KPNB1: variants seen among roughly 807,000 people sequenced by gnomAD.
KPNB1 encodes karyopherin subunit beta 1, also known as importin subunit beta-1.
A neutral mutation model predicts 113.0 loss-of-function variants in KPNB1; 7 were observed. That is an observed-to-expected ratio of 0.06 (90% CI 0.04 to 0.12). KPNB1 has a LOEUF of 0.12. Among genes scored for constraint, KPNB1 ranks in the 10% least tolerant of loss-of-function variants. KPNB1 has a pLI of 1.00. For missense variants in KPNB1, 400 were observed against 1,054.8 expected (o/e 0.38, Z 8.60); for synonymous variants, 363 against 378.6 (o/e 0.96, Z 0.48).
At chr17:47,660,694 A>T (rs755860353) in intron 5 of KPNB1, among the ~76,000 whole-genome samples, 10 of 152,230 alleles carry the variant, frequency 6.6e-5, no homozygotes, top group Non-Finnish European at 1.3e-4. Context: ...ACCACATTTG[A>T]TGTGAATTTG....
intron 15 of KPNB1, among the ~76,000 whole-genome samples, chr17:47,675,373 T>TTTTTTTTTTTTGTTTG (rs1567894327): frequency 9.7e-6 from 1 of 102,626 alleles, no homozygotes; most frequent in Non-Finnish European, 1.9e-5. Flanking sequence ...TTTTTTTTTG[T>TTTTTTTTTTTTGTTTG]TTTTTTTTTT....
chr17:47,678,577 A>G (rs2030679588), intron 19 of KPNB1, 164 bp downstream of exon 19: 2 of 599,278 alleles, frequency 3.3e-6, no homozygotes, highest in Non-Finnish European at 6.0e-6. Flanking sequence ...CTTGGGGAAA[A>G]CTGTAGACTA....
At chr17:47,676,547 G>A (rs2030619079) in intron 16 of KPNB1, 56 bp downstream of exon 16, 2 of 1,338,102 alleles carry the variant, frequency 1.5e-6, no homozygotes, top group South Asian at 1.2e-5. Flanking sequence ...AGTCACTGTA[G>A]TGCACGCAAA....
Position 47,682,640 on chromosome 17 carries a change from G to A in KPNB1, c.*236G>A, listed in dbSNP as rs1287895979. On this transcript the variant is annotated 3_prime_UTR_variant, in exon 22 of 22. Transcript: ENST00000290158. Reference sequence around the variant, plus strand: ...TGACTTCGTAGAAAACCATAACATCGGCCATCTTGGAAAAGAGAAAAACAA... The same window carrying A: ...TGACTTCGTAGAAAACCATAACATCAGCCATCTTGGAAAAGAGAAAAACAA... 2 of 527,478 alleles carry A rather than the reference G, an allele frequency of 3.8e-6. No individual in the cohort carries two copies. Among genetic ancestry groups the A allele is most frequent in the East Asian group, 3.0e-5 (1 of 32,856 alleles). The allele number at this position is 527,478 out of a possible 1,614,324, so 32.7% of individuals were successfully genotyped here.
In KPNB1 at chr17:47,679,372, T is replaced by C. The variant is rs574604583; in HGVS notation, c.2354-648T>C. Among the ~76,000 whole-genome samples the C allele has an allele frequency of 3.9e-5, 6 of 152,248 alleles. No homozygotes were observed. In the South Asian group the frequency reaches 1.2e-3, roughly 32 times the overall value. On this transcript the variant is annotated intron_variant, in intron 19 of 21. Coordinates refer to ENST00000290158, the MANE Select transcript of KPNB1 (RefSeq NM_002265.6). ...CCCTTTCCCATCCCCACAAGCTAAATTGGAGGACTGGGGAGTCATAATTCC... is the reference window on the plus strand; with the variant it reads ...CCCTTTCCCATCCCCACAAGCTAAACTGGAGGACTGGGGAGTCATAATTCC...
chr17:47,672,994 A>C, intron 12 of KPNB1, 24 bp from the exon 13 acceptor site: 3 of 1,595,672 alleles, frequency 1.9e-6, no homozygotes, highest in Non-Finnish European at 1.7e-6. Context: ...TGAGGCTTTA[A>C]GATTTTCGCT....
intron 5 of KPNB1, among the ~76,000 whole-genome samples, chr17:47,660,039 C>T (rs547646787): frequency 3.3e-5 from 5 of 152,276 alleles, no homozygotes; most frequent in Non-Finnish European, 5.9e-5. Context: ...AGTAGATTCA[C>T]ATTGCTGTGG....
At position 47,655,638 on chromosome 17, in the gene KPNB1, C is replaced by G. The variant is rs80059314; in HGVS notation, c.283-1222C>G. ...TCCTTGGATCAGATTAGACAGTGAT[C>G]TACTGTGAATAAGACCCACCTGAAT... On this transcript the variant is annotated intron_variant, in intron 3 of 21. Transcript: ENST00000290158. Among the ~76,000 whole-genome samples, 389 of 152,304 alleles carry G rather than the reference C, an allele frequency of 2.6e-3. 1 individual carries two copies. The highest frequency in any genetic ancestry group is 9.1e-3 in the African/African-American group (378 of 41,558).
At chr17:47,664,593 C>A (rs1490606122) in intron 8 of KPNB1, among the ~76,000 whole-genome samples, 1 of 152,112 alleles carries the variant, frequency 6.6e-6, no homozygotes, top group Admixed American at 6.5e-5. Context: ...CTAATGCAAG[C>A]CTAGGATGTA....
intron 13 of KPNB1, 101 bp from the exon 14 acceptor site, chr17:47,673,389 G>A: frequency 1.9e-6 from 2 of 1,078,766 alleles, no homozygotes; most frequent in Admixed American, 3.8e-5. Flanking sequence ...TTTTGTTGCT[G>A]TTGTTTACTT....
rs772238174 is a variant in KPNB1, at chr17:47,680,020, C to A, written c.2354C>A (p.Pro785Gln). Residue 785 changes from proline (P) to glutamine (Q), a missense_variant and splice_region_variant, in exon 20 of 22, where the codon CCG becomes CAG. By Grantham distance (76) the Pro-to-Gln change is moderately conservative (BLOSUM62 -1). Coordinates refer to ENST00000290158, the MANE Select transcript of KPNB1 (RefSeq NM_002265.6). ...CCAATACCTTCTCTCTCTTTTATAGCGGATGTGATGCTGGTACAACCCAGA... is the reference window on the plus strand; with the variant it reads ...CCAATACCTTCTCTCTCTTTTATAGAGGATGTGATGCTGGTACAACCCAGA... Reference protein sequence around the residue: ...GLKGDQENVHPDVMLVQPRVE... With the variant: ...GLKGDQENVHQDVMLVQPRVE... 2 of 1,602,594 alleles carry A rather than the reference C, an allele frequency of 1.2e-6. No individual in the cohort carries two copies. The highest frequency in any genetic ancestry group is 2.2e-5 in the South Asian group (2 of 90,872).
Position 47,675,361 on chromosome 17 carries a change from G to GTTTT in KPNB1, c.1912+586_1912+589dup, listed in dbSNP as rs1166648701. 8.4e-3 allele frequency among the ~76,000 whole-genome samples: 742 copies of GTTTT among 88,554 alleles called. 136 individuals are homozygous for GTTTT. The highest frequency in any genetic ancestry group is 0.013 in the African/African-American group (274 of 21,528). The allele number at this position is 88,554 out of a possible 152,430, so 58.1% of individuals were successfully genotyped here. ...TGCAACGGAGATTGGCAGAGGTGTT[G>GTTTT]TTTTTTTTTTGTTTTTTTTTTTTGT... On this transcript the variant is annotated intron_variant, in intron 15 of 21. Transcript: ENST00000290158.
At chr17:47,659,742 T>C (rs1224804725) in intron 5 of KPNB1, among the ~76,000 whole-genome samples, 1 of 152,146 alleles carries the variant, frequency 6.6e-6, no homozygotes, top group Non-Finnish European at 1.5e-5. Context: ...GAAGGTGTTT[T>C]TAAGAAACAG....
In KPNB1 at chr17:47,649,984, A is replaced by G; in HGVS notation, c.-261A>G. 3.8e-6 allele frequency: 5 copies of G among 1,307,236 alleles called. No individual in the cohort carries two copies. The highest frequency in any genetic ancestry group is 2.2e-5 in the South Asian group (1 of 44,686). The allele number at this position is 1,307,236 out of a possible 1,614,324, so 81.0% of individuals were successfully genotyped here. On this transcript the variant is annotated 5_prime_UTR_variant, in exon 1 of 22. Transcript: ENST00000290158. ...TTCTTTCTCCCTCCGCCTCCCGAGCACCAGCGCGCTCTGAGCTGCCCCCAG... is the reference window on the plus strand; with the variant it reads ...TTCTTTCTCCCTCCGCCTCCCGAGCGCCAGCGCGCTCTGAGCTGCCCCCAG...
intron 5 of KPNB1, among the ~76,000 whole-genome samples, chr17:47,659,698 A>G (rs1424656808): frequency 1.3e-5 from 2 of 152,170 alleles, no homozygotes; most frequent in Non-Finnish European, 2.9e-5. Context: ...ATAAATAAAA[A>G]TTATAGCAAT....
chr17:47,659,894 T>C (rs577761563), intron 5 of KPNB1, among the ~76,000 whole-genome samples: 2 of 150,224 alleles, frequency 1.3e-5, no homozygotes, highest in East Asian at 3.9e-4. Context: ...CAAGACTCTG[T>C]CTCCAAAAAA....
Position 47,670,795 on chromosome 17 carries a change from G to T in KPNB1, c.1510G>T (p.Glu504Ter). The T allele has an allele frequency of 6.2e-7, 1 of 1,612,842 alleles. No individual in the cohort carries two copies. The highest frequency in any genetic ancestry group is 1.1e-5 in the South Asian group (1 of 91,042). ...PATYCLSSSF[E>*]LIVQKLLETT... is the part of the protein sequence containing the mutation. ...TACTTACTGCTTATCTTCTTCATTT[G>T]AACTCATAGTTCAGAAGCTCCTAGA... Residue 504 changes from glutamate to a stop codon, truncating the protein, a stop_gained, in exon 12 of 22, where the codon GAA (glutamate) becomes TAA (stop). Coordinates refer to ENST00000290158, the MANE Select transcript of KPNB1 (RefSeq NM_002265.6). LOFTEE classifies it high-confidence loss of function.
At chr17:47,653,627 A>G (rs1438839547) in intron 3 of KPNB1, among the ~76,000 whole-genome samples, 1 of 152,240 alleles carries the variant, frequency 6.6e-6, no homozygotes, top group Non-Finnish European at 1.5e-5. Flanking sequence ...CTGTGCAGTC[A>G]TCATTTTGTC....
rs1351299659 is a variant in KPNB1, at chr17:47,673,485, T to C, written c.1696-5T>C. On this transcript the variant is annotated splice_region_variant and splice_polypyrimidine_tract_variant and intron_variant, in intron 13 of 21. Transcript: ENST00000290158. ...GTAGAGTATGTTTTCTTATTTTCTT[T>C]GTAGTCACATATCCAGAGCACATCC... 1.9e-6 allele frequency: 3 copies of C among 1,610,020 alleles called. No homozygotes were observed. Among genetic ancestry groups the C allele is most frequent in the Non-Finnish European group, 2.6e-6 (3 of 1,176,440 alleles).
Sources: gnomAD v4.1 joint callset for allele counts (sites outside exome capture counted in the v4.1 genomes callset) on GRCh38, gnomAD v4.1.1 for gene constraint, MANE v1.5 for transcripts, NCBI Gene and HGNC (gene_info 2026-07-23, HGNC 2026-07-21) for gene names.